RAPGEF5: variants seen among roughly 807,000 people sequenced by gnomAD.
The protein encoded by RAPGEF5 is Rap guanine nucleotide exchange factor 5, also known as M-Ras-regulated GEF.
In RAPGEF5, 65 loss-of-function variants were observed where a neutral mutation model predicts 125.2. The ratio of observed to expected loss-of-function variants is 0.52; its 90% CI spans 0.43 to 0.64. The LOEUF is 0.64. Ranked by LOEUF, RAPGEF5 falls within the 30% of genes least tolerant of loss-of-function variation. The probability of loss-of-function intolerance (pLI) is 0.00; values close to 1 mark genes in which losing one functional copy is unlikely to be tolerated. For synonymous variants in RAPGEF5, 391 were observed against 385.9 expected (o/e 1.01, Z -0.16); for missense variants, 958 against 1,048.1 (o/e 0.91, Z 1.19).
chr7:22,312,365 C>G (rs1006189222), intron 3 of RAPGEF5, among the ~76,000 whole-genome samples: 9 of 152,278 alleles, frequency 5.9e-5, no homozygotes, highest in Admixed American at 5.9e-4. Flanking sequence ...TCTGCCACCA[C>G]GCCCAGCTAA....
At chr7:22,241,669 A>C (rs575353626) in intron 7 of RAPGEF5, among the ~76,000 whole-genome samples, 16 of 152,128 alleles carry the variant, frequency 1.1e-4, no homozygotes, top group Non-Finnish European at 2.2e-4. Context: ...TAAACTACTT[A>C]ATCAATGTTA....
chr7:22,300,182 C>T (rs1026122844), intron 5 of RAPGEF5, among the ~76,000 whole-genome samples: 1 of 152,158 alleles, frequency 6.6e-6, no homozygotes, highest in South Asian at 2.1e-4. Flanking sequence ...TTGTCCTGCA[C>T]ACTGGATAAT....
intron 4 of RAPGEF5, among the ~76,000 whole-genome samples, chr7:22,309,356 G>A (rs961316019): frequency 1.3e-5 from 2 of 152,074 alleles, no homozygotes; most frequent in East Asian, 1.9e-4. Context: ...TTACCTATAG[G>A]AAAAAAGTGC....
intron 2 of RAPGEF5, among the ~76,000 whole-genome samples, chr7:22,316,735 C>G (rs931107165): frequency 6.6e-6 from 1 of 151,438 alleles, no homozygotes; most frequent in East Asian, 1.9e-4. Flanking sequence ...TGGGCTCACA[C>G]AATCTGCCCA....
chr7:22,252,511 G>A (rs967182040), intron 7 of RAPGEF5, among the ~76,000 whole-genome samples: 2 of 152,152 alleles, frequency 1.3e-5, no homozygotes, highest in Non-Finnish European at 2.9e-5. Context: ...TAATGGGCAT[G>A]ACCATATTGA....
At chr7:22,230,568 G>A (rs1298634404) in intron 8 of RAPGEF5, among the ~76,000 whole-genome samples, 2 of 152,180 alleles carry the variant, frequency 1.3e-5, no homozygotes. Flanking sequence ...GCCTTCTTCA[G>A]GGGAATGTCT....
intron 1 of RAPGEF5, among the ~76,000 whole-genome samples, chr7:22,321,591 C>T (rs1458472851): frequency 6.6e-6 from 1 of 152,208 alleles, no homozygotes; most frequent in Non-Finnish European, 1.5e-5. Context: ...TACAGAAGCA[C>T]TACCTGCCCT....
intron 5 of RAPGEF5, among the ~76,000 whole-genome samples, chr7:22,305,816 G>T (rs1783324572): frequency 6.6e-6 from 1 of 152,110 alleles, no homozygotes; most frequent in South Asian, 2.1e-4. Context: ...TTGTCTTTCT[G>T]TGCCTGGCGT....
At chr7:22,180,471 G>C (rs1486520529) in intron 11 of RAPGEF5, among the ~76,000 whole-genome samples, 1 of 152,190 alleles carries the variant, frequency 6.6e-6, no homozygotes, top group Non-Finnish European at 1.5e-5. Context: ...AGTTATGCTA[G>C]TGTCCATCAG....
At chr7:22,162,605 T>G in intron 12 of RAPGEF5, 64 bp from the exon 13 acceptor site, 7 of 1,456,990 alleles carry the variant, frequency 4.8e-6, no homozygotes, top group Non-Finnish European at 6.6e-6. Flanking sequence ...ATCCATTTAC[T>G]CTTATTTTTA....
intron 11 of RAPGEF5, among the ~76,000 whole-genome samples, chr7:22,170,541 A>T (rs1654214944): frequency 6.6e-6 from 1 of 152,216 alleles, no homozygotes; most frequent in Admixed American, 6.5e-5. Flanking sequence ...GGTTAGAACT[A>T]TTCTCTCATC....
chr7:22,324,271 G>T (rs558058330), intron 1 of RAPGEF5, among the ~76,000 whole-genome samples: 5 of 152,288 alleles, frequency 3.3e-5, no homozygotes, highest in South Asian at 2.1e-4. Flanking sequence ...ATTCTTCAAA[G>T]TAACTGGCCT....
Position 22,243,684 on chromosome 7 carries a change from G to T in RAPGEF5, c.797-12765C>A, listed in dbSNP as rs540021161. ...GGATGCTTTGATGTATGCATACATT[G>T]TGGAATGATTTTAGAATGACTATGT... On this transcript the variant is annotated intron_variant, in intron 7 of 25. Coordinates refer to ENST00000665637, the MANE Select transcript of RAPGEF5 (RefSeq NM_012294.5). 1.5e-3 allele frequency among the ~76,000 whole-genome samples: 222 copies of T among 152,264 alleles called. 3 individuals carry two copies. Among genetic ancestry groups the T allele is most frequent in the Admixed American group, 0.013 (197 of 15,296 alleles).
chr7:22,127,230 G>A lies in RAPGEF5; in HGVS notation c.2482-1572C>T, dbSNP rs1782776899. On this transcript the variant is annotated intron_variant, in intron 24 of 25. Coordinates refer to ENST00000665637, the MANE Select transcript of RAPGEF5 (RefSeq NM_012294.5). ...ATTTTTATATTTTTAGTAAAGACAG[G>A]GTTTCACCATGTTCAAGTCAGGCTG... 5.3e-5 allele frequency among the ~76,000 whole-genome samples: 8 copies of A among 151,710 alleles called. No homozygotes were observed. In the South Asian group the frequency reaches 1.7e-3, roughly 32 times the overall value.
chr7:22,261,311 G>A (rs1041767956), intron 7 of RAPGEF5, among the ~76,000 whole-genome samples: 14 of 152,044 alleles, frequency 9.2e-5, no homozygotes, highest in African/African-American at 2.7e-4. Flanking sequence ...TAAAAATGAT[G>A]TAAAACTATA....
intron 7 of RAPGEF5, among the ~76,000 whole-genome samples, chr7:22,264,366 T>C (rs1382821941): frequency 6.6e-6 from 1 of 152,208 alleles, no homozygotes; most frequent in South Asian, 2.1e-4. Flanking sequence ...CAAAATTGTA[T>C]TCACATTCCA....
chr7:22,233,013 C>T (rs1429620074), intron 7 of RAPGEF5, among the ~76,000 whole-genome samples: 1 of 152,178 alleles, frequency 6.6e-6, no homozygotes, highest in Non-Finnish European at 1.5e-5. Flanking sequence ...CCATTCATGC[C>T]TGTTCAAAGG....
At chr7:22,226,712 G>A (rs559677665) in intron 8 of RAPGEF5, among the ~76,000 whole-genome samples, 3 of 152,260 alleles carry the variant, frequency 2.0e-5, no homozygotes, top group African/African-American at 7.2e-5. Context: ...GGGCATCAGG[G>A]AGCTTTAGAA....
chr7:22,150,096 T>C (rs1369374311), intron 18 of RAPGEF5, among the ~76,000 whole-genome samples: 11 of 118,916 alleles, frequency 9.3e-5, no homozygotes, highest in Non-Finnish European at 1.9e-4. Flanking sequence ...TTTTTTTTTT[T>C]TGAGACAAGG....
Sources: allele counts gnomAD v4.1 joint callset (sites outside exome capture counted in the v4.1 genomes callset), GRCh38; gene constraint gnomAD v4.1.1; transcripts MANE v1.5; gene names NCBI Gene and HGNC (gene_info 2026-07-23, HGNC 2026-07-21).